Variants in CMYA5 observed in about 807,000 individuals in gnomAD.
The protein encoded by CMYA5 is cardiomyopathy associated 5.
A neutral mutation model predicts 318.9 loss-of-function variants in CMYA5; 246 were observed. That is an observed-to-expected ratio of 0.77 (90% CI 0.70 to 0.86). The LOEUF (loss-of-function observed/expected upper bound fraction) is 0.86. Ranked by LOEUF, CMYA5 falls within the 40% of genes least tolerant of loss-of-function variation. The probability of loss-of-function intolerance (pLI) is 0.00; values close to 1 mark genes in which losing one functional copy is unlikely to be tolerated. For synonymous variants in CMYA5, 1,641 were observed against 1,729.5 expected (o/e 0.95, Z 1.27); for missense variants, 4,589 against 4,678.2 (o/e 0.98, Z 0.56).
At position 79,729,395 on chromosome 5, in the gene CMYA5, A is replaced by G; in HGVS notation, c.630A>G (p.Lys210=). Residue 210 remains lysine (K), a synonymous_variant, in exon 2 of 13, where the codon AAA becomes AAG. Coordinates refer to ENST00000446378, the MANE Select transcript of CMYA5 (RefSeq NM_153610.5). ...CTCCGATTACTGGGGCAATATACAA[A>G]GAACACAAGCCATTAGTGTTAAGAC... The part of the protein sequence containing the change: ...NTPPITGAIY[K]EHKPLVLRPV... 2.5e-6 allele frequency: 4 copies of G among 1,613,916 alleles called. No individual in the cohort carries two copies. The highest frequency in any genetic ancestry group is 3.4e-6 in the Non-Finnish European group (4 of 1,179,840).
At chr5:79,762,804 A>C (rs1057145193) in intron 8 of CMYA5, 2 of 429,498 alleles carry the variant, frequency 4.7e-6, no homozygotes, top group South Asian at 4.7e-5. Flanking sequence ...GTATAAAGAA[A>C]GTCTAGTGGG....
chr5:79,793,368 T>A, intron 11 of CMYA5, 69 bp from the exon 12 acceptor site: 2 of 1,446,060 alleles, frequency 1.4e-6, no homozygotes, highest in Admixed American at 1.8e-5. Flanking sequence ...AGTTTGTGAA[T>A]GTTTATGCTT....
rs772886143 is a variant in CMYA5, at chr5:79,732,011, T to G, written c.3246T>G (p.Pro1082=). 60 of 1,613,838 alleles carry G rather than the reference T, an allele frequency of 3.7e-5. No homozygotes were observed. The highest frequency in any genetic ancestry group is 4.8e-5 in the Non-Finnish European group (57 of 1,179,876). ...MSPLEDLSLP[P]STDKSEKAEI... ...CGCTTGAAGACTTAAGTCTGCCGCC[T>G]TCAACAGATAAATCAGAGAAAGCAG... The change falls in exon 2 of 13, where the codon CCT becomes CCG. Residue 1082 remains proline (P), a synonymous_variant. Coordinates refer to ENST00000446378, the MANE Select transcript of CMYA5 (RefSeq NM_153610.5).
intron 12 of CMYA5, among the ~76,000 whole-genome samples, chr5:79,797,795 A>G (rs1156376009): frequency 6.6e-6 from 1 of 152,260 alleles, no homozygotes; most frequent in Non-Finnish European, 1.5e-5. Flanking sequence ...TCCAAACCCA[A>G]GAGGCCAATG....
intron 1 of CMYA5, among the ~76,000 whole-genome samples, chr5:79,714,430 TC>T: frequency 8.5e-6 from 1 of 117,036 alleles, no homozygotes; most frequent in Non-Finnish European, 1.7e-5. Context: ...TTTTTCTTTT[TC>T]TTTTTTTTTT....
chr5:79,731,741 T>G lies in CMYA5; in HGVS notation c.2976T>G (p.Thr992=). ...SEHTILSDED[T]EEAELFSPDS... is the part of the protein sequence containing the mutation. ...ACACTATTTTGTCAGATGAAGACAC[T>G]GAAGAAGCGGAACTGTTCTCTCCAG... Residue 992 remains threonine (T), a synonymous_variant, in exon 2 of 13, where the codon ACT becomes ACG. Transcript: ENST00000446378. The G allele has an allele frequency of 6.2e-7, 1 of 1,613,902 alleles. No homozygotes were observed. The highest frequency in any genetic ancestry group is 8.5e-7 in the Non-Finnish European group (1 of 1,179,854).
At chr5:79,761,407 T>C (rs1346086497) in intron 7 of CMYA5, among the ~76,000 whole-genome samples, 1 of 152,214 alleles carries the variant, frequency 6.6e-6, no homozygotes, top group Non-Finnish European at 1.5e-5. Context: ...CATGAAGTTG[T>C]CCTTTTTTTA....
chr5:79,711,639 A>G (rs1048964596), intron 1 of CMYA5, among the ~76,000 whole-genome samples: 2 of 152,254 alleles, frequency 1.3e-5, no homozygotes, highest in African/African-American at 4.8e-5. Flanking sequence ...AAATAAAAAA[A>G]TGGGGGCTGG....
rs770988644 is a variant in CMYA5, at chr5:79,730,187, C to T, written c.1422C>T (p.Thr474=). ...ERAEPVSAKL[T]PTHPSVKGEK... ...CAGAACCAGTCTCCGCAAAACTGACCCCTACCCATCCCAGTGTCAAAGGAG... is the reference window on the plus strand; with the variant it reads ...CAGAACCAGTCTCCGCAAAACTGACTCCTACCCATCCCAGTGTCAAAGGAG... Residue 474 remains threonine, a synonymous_variant, in exon 2 of 13, where the codon ACC becomes ACT. Coordinates refer to ENST00000446378, the MANE Select transcript of CMYA5 (RefSeq NM_153610.5). 2 of 1,613,802 alleles carry T rather than the reference C, an allele frequency of 1.2e-6. No homozygotes were observed. The highest frequency in any genetic ancestry group is 1.7e-5 in the Admixed American group (1 of 59,994).
At chr5:79,728,865 A>T in intron 1 of CMYA5, 50 bp from the exon 2 acceptor site, 1 of 827,236 alleles carries the variant, frequency 1.2e-6, no homozygotes, top group Non-Finnish European at 1.6e-6. Flanking sequence ...TCTATTAATT[A>T]GTATTATTTT....
At chr5:79,713,316 C>T (rs1010255872) in intron 1 of CMYA5, among the ~76,000 whole-genome samples, 10 of 127,352 alleles carry the variant, frequency 7.9e-5, no homozygotes, top group Admixed American at 7.2e-4. Flanking sequence ...CCCCACCCGC[C>T]GTCACAAAGA....
In CMYA5 at chr5:79,790,460, G is replaced by A. The variant is rs889839618; in HGVS notation, c.11690-510G>A. Among the ~76,000 whole-genome samples the A allele has an allele frequency of 1.2e-4, 19 of 152,020 alleles. 1 individual carries two copies. Among genetic ancestry groups the A allele is most frequent in the African/African-American group, 2.7e-4 (11 of 41,394 alleles). ...AATTTTTTGTATTTTTGGTAGAGACGGGGTTTCACCATGTTGGCCAGGCTG... is the reference window on the plus strand; with the variant it reads ...AATTTTTTGTATTTTTGGTAGAGACAGGGTTTCACCATGTTGGCCAGGCTG... On this transcript the variant is annotated intron_variant, in intron 10 of 12. Transcript: ENST00000446378.
In CMYA5 at chr5:79,758,887, G is replaced by T; in HGVS notation, c.11245G>T (p.Asp3749Tyr). The change falls in exon 7 of 13, where the codon GAT becomes TAT. Residue 3749 changes from aspartate to tyrosine, a missense_variant. Asp to Tyr is a radical substitution (Grantham distance 160, BLOSUM62 -3). This residue lies in a region of CMYA5 where 2,431 missense variants were observed against 2,495.1 expected (regional missense o/e 0.97). Transcript: ENST00000446378. ...QVYCMEEPQD[D>Y]QEVNELVEEY... is the part of the protein sequence containing the mutation. ...TTACTGCATGGAGGAGCCACAAGAT[G>T]ATCAAGAAGTAAATGGTAGGATTGC... The T allele has an allele frequency of 1.3e-6, 2 of 1,586,624 alleles. No individual in the cohort carries two copies. The highest frequency in any genetic ancestry group is 2.3e-5 in the South Asian group (2 of 85,164).
intron 1 of CMYA5, among the ~76,000 whole-genome samples, chr5:79,724,416 T>C (rs1827706831): frequency 6.6e-6 from 1 of 152,250 alleles, no homozygotes; most frequent in South Asian, 2.1e-4. Flanking sequence ...CTTCATCAGA[T>C]GAGGGTTATC....
At position 79,729,740 on chromosome 5, in the gene CMYA5, A is replaced by G; in HGVS notation, c.975A>G (p.Lys325=). Residue 325 remains lysine, a synonymous_variant, in exon 2 of 13, where the codon AAA becomes AAG. Transcript: ENST00000446378. ...TLMFSHEDQK[K]IYADSPLNAT... is the part of the protein sequence containing the mutation. ...TGTTCAGTCATGAAGATCAAAAGAA[A>G]ATTTATGCTGATTCTCCCCTAAATG... 1 of 1,613,898 alleles carries G rather than the reference A, an allele frequency of 6.2e-7. No homozygotes were observed. The highest frequency in any genetic ancestry group is 8.5e-7 in the Non-Finnish European group (1 of 1,179,862).
chr5:79,774,984 C>T (rs1208001946), intron 9 of CMYA5, among the ~76,000 whole-genome samples: 3 of 152,206 alleles, frequency 2.0e-5, no homozygotes, highest in Non-Finnish European at 1.5e-5. Flanking sequence ...TCCTTGCACC[C>T]TGTGGCTAAA....
rs1193198890 is a variant in CMYA5, at chr5:79,731,758, T to G, written c.2993T>G (p.Phe998Cys). The change falls in exon 2 of 13, where the codon TTC becomes TGC. Residue 998 changes from phenylalanine to cysteine, a missense_variant. Physicochemically the swap from Phe to Cys is radical, Grantham distance 205. This residue lies in a region of CMYA5 where 2,132 missense variants were observed against 2,131.3 expected (regional missense o/e 1.00). Transcript: ENST00000446378. ...GAAGACACTGAAGAAGCGGAACTGTTCTCTCCAGACTCAGCATCACAAGTT... is the reference window on the plus strand; with the variant it reads ...GAAGACACTGAAGAAGCGGAACTGTGCTCTCCAGACTCAGCATCACAAGTT... ...SDEDTEEAEL[F>C]SPDSASQVSI... 1 of 1,613,654 alleles carries G rather than the reference T, an allele frequency of 6.2e-7. No individual in the cohort carries two copies. Among genetic ancestry groups the G allele is most frequent in the South Asian group, 1.1e-5 (1 of 91,050 alleles).
At chr5:79,794,734 A>T (rs2151101576) in intron 12 of CMYA5, among the ~76,000 whole-genome samples, 1 of 152,302 alleles carries the variant, frequency 6.6e-6, no homozygotes, top group Non-Finnish European at 1.5e-5. Flanking sequence ...AATGCTTGCA[A>T]GTTCCCAGAA....
In CMYA5 at chr5:79,793,617, G is replaced by A. The variant is rs770329394; in HGVS notation, c.11963+7G>A. ...ACTGCTCTGAGCCACAGAGGTAAGC[G>A]AGCCCTTCCCCTCCCCTCTTCATCA... is the stretch of plus-strand genomic sequence containing the variant. On this transcript the variant is annotated splice_region_variant and intron_variant, in intron 12 of 12. Transcript: ENST00000446378. 8.2e-6 allele frequency: 13 copies of A among 1,586,336 alleles called. No individual in the cohort carries two copies. Among genetic ancestry groups the A allele is most frequent in the African/African-American group, 5.4e-5 (4 of 74,496 alleles).
Sources: gnomAD v4.1 joint callset for allele counts (sites outside exome capture counted in the v4.1 genomes callset) on GRCh38, gnomAD v4.1.1 for gene constraint, gnomAD v4.1.1 regional missense constraint, MANE v1.5 for transcripts, NCBI Gene and HGNC (gene_info 2026-07-23, HGNC 2026-07-21) for gene names.